The following CFTR variants were observed in gnomAD, a reference collection of about 807,000 sequenced individuals.
CFTR encodes cystic fibrosis transmembrane conductance regulator.
CFTR carries 181 observed loss-of-function variants against 171.6 expected under a neutral mutation model. The ratio of observed to expected loss-of-function variants is 1.05; its 90% CI spans 0.93 to 1.19. The LOEUF (loss-of-function observed/expected upper bound fraction) is 1.19. Among genes scored for constraint, CFTR ranks in the 50% most tolerant of loss-of-function variants. The pLI is 0.00. For missense variants in CFTR, 1,968 were observed against 1,734.7 expected, an observed-to-expected ratio of 1.13 and a Z score of -2.39; for synonymous variants, 583 against 608.0, an observed-to-expected ratio of 0.96 and a Z score of 0.60.
chr7:117,612,021 A>ACG (rs1792401167), intron 20 of CFTR, among the ~76,000 whole-genome samples: 1 of 52,400 alleles, frequency 1.9e-5, no homozygotes, highest in Admixed American at 2.3e-4. Context: ...ATATATATAT[A>ACG]TGTATATATA....
chr7:117,605,352 A>G (rs1248669264), intron 17 of CFTR, among the ~76,000 whole-genome samples: 2 of 152,250 alleles, frequency 1.3e-5, no homozygotes, highest in African/African-American at 4.8e-5. Flanking sequence ...AAATATGCTA[A>G]AGAATGTATT....
chr7:117,592,099 C>G lies in CFTR; in HGVS notation c.1932C>G (p.Leu644=), dbSNP rs779674687. 61 of 1,613,922 alleles carry G rather than the reference C, an allele frequency of 3.8e-5. No homozygotes were observed. The highest frequency in any genetic ancestry group is 4.9e-5 in the Non-Finnish European group (58 of 1,180,006). ...TACAGCCAGACTTTAGCTCAAAACT[C>G]ATGGGATGTGATTCTTTCGACCAAT... ...QNLQPDFSSK[L]MGCDSFDQFS... The change falls in exon 14 of 27, where the codon CTC becomes CTG. Residue 644 remains leucine, a synonymous_variant. Coordinates refer to ENST00000003084, the MANE Select transcript of CFTR (RefSeq NM_000492.4).
chr7:117,491,562 T>C (rs1258334331), intron 1 of CFTR, among the ~76,000 whole-genome samples: 1 of 151,964 alleles, frequency 6.6e-6, no homozygotes, highest in Non-Finnish European at 1.5e-5. Context: ...TCCCCTACCT[T>C]CTGGTGGTTT....
chr7:117,531,311 A>G (rs898290568), intron 4 of CFTR, among the ~76,000 whole-genome samples, 197 bp downstream of exon 4: 15 of 152,042 alleles, frequency 9.9e-5, no homozygotes, highest in African/African-American at 3.6e-4. Context: ...ACTGATAATT[A>G]TTGAGTATCT....
chr7:117,652,691 T>C (rs1793105716), intron 23 of CFTR, 151 bp from the exon 24 acceptor site: 8 of 534,454 alleles, frequency 1.5e-5, no homozygotes, highest in South Asian at 1.3e-4. Flanking sequence ...TGATAAAATA[T>C]TAAAATTTGA....
At chr7:117,573,920 A>G (rs893691444) in intron 11 of CFTR, among the ~76,000 whole-genome samples, 4 of 152,130 alleles carry the variant, frequency 2.6e-5, no homozygotes, top group African/African-American at 9.7e-5. Context: ...CTCCAAGGGA[A>G]CTCGAAGGAA....
chr7:117,632,026 TA>T (rs1409077070), intron 22 of CFTR, among the ~76,000 whole-genome samples: 2 of 152,160 alleles, frequency 1.3e-5, no homozygotes, highest in African/African-American at 4.8e-5. Context: ...GTCAGTAGGA[TA>T]GGGAAAACAG....
chr7:117,492,280 A>G (rs1343812473), intron 1 of CFTR, among the ~76,000 whole-genome samples: 2 of 152,040 alleles, frequency 1.3e-5, no homozygotes, highest in Admixed American at 6.6e-5. Flanking sequence ...TTATTAAAGA[A>G]TTGTCCCTGA....
chr7:117,485,450 C>G (rs570748039), intron 1 of CFTR, among the ~76,000 whole-genome samples: 1 of 152,236 alleles, frequency 6.6e-6, no homozygotes, highest in Non-Finnish European at 1.5e-5. Context: ...ACAAATATGT[C>G]AAGTGCATTA....
intron 11 of CFTR, among the ~76,000 whole-genome samples, chr7:117,582,520 C>G (rs973672883): frequency 6.6e-6 from 1 of 152,122 alleles, no homozygotes; most frequent in African/African-American, 2.4e-5. Flanking sequence ...AGGTTTCACC[C>G]TGAGGAATCC....
intron 11 of CFTR, among the ~76,000 whole-genome samples, chr7:117,572,891 T>C (rs1472491563): frequency 6.6e-6 from 1 of 152,142 alleles, no homozygotes; most frequent in African/African-American, 2.4e-5. Context: ...GCATCTATAT[T>C]GTCAAGGTTG....
chr7:117,626,768 C>G (rs1278546205), intron 21 of CFTR, among the ~76,000 whole-genome samples: 23 of 151,618 alleles, frequency 1.5e-4, no homozygotes, highest in Admixed American at 1.4e-3. Flanking sequence ...CATAATTATT[C>G]AGAGATGTAT....
Position 117,559,641 on chromosome 7 carries a change from T to A in CFTR, c.1570T>A (p.Cys524Ser). ...EYRYRSVIKA[C>S]QLEEDISKFA... ...TAGATACAGAAGCGTCATCAAAGCA[T>A]GCCAACTAGAAGAGGTAAGAAACTA... Residue 524 changes from cysteine to serine, a missense_variant, in exon 11 of 27, where the codon TGC (cysteine) becomes AGC (serine). Cys to Ser is a moderately radical substitution (Grantham distance 112, BLOSUM62 -1). Transcript: ENST00000003084. 6.2e-7 allele frequency: 1 copy of A among 1,612,738 alleles called. No homozygotes were observed. The highest frequency in any genetic ancestry group is 1.1e-5 in the South Asian group (1 of 91,050).
intron 24 of CFTR, among the ~76,000 whole-genome samples, chr7:117,662,373 G>T (rs1017719404): frequency 3.3e-5 from 5 of 152,174 alleles, no homozygotes; most frequent in African/African-American, 1.2e-4. Context: ...ACAGTCTAAC[G>T]AGGGAACTTG....
chr7:117,663,634 A>G (rs889476854), intron 24 of CFTR, among the ~76,000 whole-genome samples: 1 of 152,022 alleles, frequency 6.6e-6, no homozygotes, highest in African/African-American at 2.4e-5. Context: ...GTGAACAAAC[A>G]CAGTGTTATG....
intron 24 of CFTR, among the ~76,000 whole-genome samples, chr7:117,654,850 C>G (rs1036598134): frequency 6.6e-6 from 1 of 152,164 alleles, no homozygotes; most frequent in Non-Finnish European, 1.5e-5. Context: ...TGAGGTGGCA[C>G]GGGGCAGTTG....
At chr7:117,501,779 A>AC (rs1562882001) in intron 1 of CFTR, among the ~76,000 whole-genome samples, 14 of 149,066 alleles carry the variant, frequency 9.4e-5, no homozygotes, top group East Asian at 3.9e-4. Context: ...AAAGAAACAA[A>AC]AAAAAAAAAA....
In CFTR at chr7:117,535,404, A is replaced by G; in HGVS notation, c.736A>G (p.Lys246Glu). The change falls in exon 6 of 27, where the codon AAG becomes GAG. Residue 246 changes from lysine (K) to glutamate (E), a missense_variant. Physicochemically the swap from Lys to Glu is moderately conservative, Grantham distance 56 (BLOSUM62 1). Coordinates refer to ENST00000003084, the MANE Select transcript of CFTR (RefSeq NM_000492.4). ...FQAGLGRMMMKYRDQRAGKIS... is the reference protein window; with the variant it reads ...FQAGLGRMMMEYRDQRAGKIS... ...GGCTGGGCTAGGGAGAATGATGATG[A>G]AGTACAGGTAGCAACCTATTTTCAT... The G allele has an allele frequency of 6.2e-7, 1 of 1,614,044 alleles. No individual in the cohort carries two copies. Among genetic ancestry groups the G allele is most frequent in the Non-Finnish European group, 8.5e-7 (1 of 1,179,946 alleles).
At chr7:117,492,802 A>G (rs1798179215) in intron 1 of CFTR, among the ~76,000 whole-genome samples, 1 of 152,030 alleles carries the variant, frequency 6.6e-6, no homozygotes, top group South Asian at 2.1e-4. Flanking sequence ...AGAGCACACC[A>G]TGGGGAATTA....
Sources: allele counts gnomAD v4.1 joint callset (sites outside exome capture counted in the v4.1 genomes callset), GRCh38; gene constraint gnomAD v4.1.1; transcripts MANE v1.5; gene names NCBI Gene and HGNC (gene_info 2026-07-23, HGNC 2026-07-21).